Variants in PCDH15 observed in about 807,000 individuals in gnomAD.
The protein encoded by PCDH15 is protocadherin-15.
A neutral mutation model predicts 178.5 loss-of-function variants in PCDH15; 129 were observed. The observed-to-expected ratio is 0.72, with a 90% CI of 0.63 to 0.84. The LOEUF is 0.84. PCDH15 is among the 40% of genes least tolerant of loss of function. The pLI is 0.00. For missense variants in PCDH15, 2,230 were observed against 2,099.9 expected, an observed-to-expected ratio of 1.06 and a Z score of -1.21; for synonymous variants, 800 against 732.0, an observed-to-expected ratio of 1.09 and a Z score of -1.50.
At chr10:55,202,907 C>T (rs1376927720) in intron 1 of PCDH15, among the ~76,000 whole-genome samples, 1 of 152,172 alleles carries the variant, frequency 6.6e-6, no homozygotes, top group Non-Finnish European at 1.5e-5. Flanking sequence ...CTAAGGCCTC[C>T]CAGGCCATCT....
chr10:55,378,924 T>G lies in PCDH15; in HGVS notation c.-155-212273A>C, dbSNP rs187384552. Among the ~76,000 whole-genome samples the G allele has an allele frequency of 4.8e-5, 7 of 146,066 alleles. No individual in the cohort carries two copies. In the East Asian group the frequency reaches 1.4e-3, roughly 29 times the overall value. ...CTCTCTCTCTCACATATGCCCTTAA[T>G]GTACTTATAAATAGAATGAAAATAT... On this transcript the variant is annotated intron_variant, in intron 2 of 5. Coordinates refer to the PCDH15 transcript ENST00000613346.
intron 12 of PCDH15, among the ~76,000 whole-genome samples, chr10:54,184,366 G>T (rs1402364136): frequency 1.3e-5 from 2 of 149,204 alleles, no homozygotes; most frequent in Admixed American, 1.4e-4. Flanking sequence ...TTCAAAAATT[G>T]GGATATAATT....
chr10:55,001,821 G>T (rs763840269), intron 2 of PCDH15, among the ~76,000 whole-genome samples: 13 of 152,206 alleles, frequency 8.5e-5, no homozygotes, highest in Non-Finnish European at 1.9e-4. Context: ...GAGGTTTCTG[G>T]CTGGAAAAGC....
At chr10:55,061,643 G>T (rs1841435529) in intron 2 of PCDH15, among the ~76,000 whole-genome samples, 1 of 152,186 alleles carries the variant, frequency 6.6e-6, no homozygotes, top group South Asian at 2.1e-4. Context: ...AAATGTGGAA[G>T]CAACCAAGAT....
chr10:54,204,285 A>G (rs1171841275), intron 10 of PCDH15, among the ~76,000 whole-genome samples: 1 of 152,092 alleles, frequency 6.6e-6, no homozygotes, highest in Admixed American at 6.6e-5. Context: ...ACAGAAAAAT[A>G]GAAGGAATCA....
chr10:55,027,863 T>C (rs1840514392), intron 2 of PCDH15, among the ~76,000 whole-genome samples: 1 of 151,926 alleles, frequency 6.6e-6, no homozygotes, highest in Non-Finnish European at 1.5e-5. Flanking sequence ...TTCAATATAC[T>C]GATTCATTCA....
chr10:54,343,795 TAATAAAA>T (rs1025705536), intron 6 of PCDH15, among the ~76,000 whole-genome samples: 35 of 148,760 alleles, frequency 2.4e-4, no homozygotes, highest in Middle Eastern at 3.6e-3. Flanking sequence ...TAAAGTAAAA[TAATAAAA>T]AATAAAAAAT....
chr10:55,410,487 G>A (rs764815130), intron 2 of PCDH15, among the ~76,000 whole-genome samples: 4 of 152,044 alleles, frequency 2.6e-5, no homozygotes, highest in East Asian at 3.9e-4. Flanking sequence ...AATTCTATCC[G>A]TAATCAAAGC....
Position 55,187,199 on chromosome 10 carries a change from G to A in PCDH15, c.-155-20548C>T, listed in dbSNP as rs1396083133. Among the ~76,000 whole-genome samples the A allele has an allele frequency of 4.0e-5, 6 of 151,882 alleles. 1 individual carries two copies. The highest frequency in any genetic ancestry group is 1.9e-4 in the East Asian group (1 of 5,150). ...ATACTCACGTAATATTTCATTAAGAGCTTTAAAAATCCTTTTGATAATTTC... is the reference window on the plus strand; with the variant it reads ...ATACTCACGTAATATTTCATTAAGAACTTTAAAAATCCTTTTGATAATTTC... On this transcript the variant is annotated intron_variant, in intron 1 of 5. Transcript: ENST00000458638.
rs180798078 is a variant in PCDH15, at chr10:54,511,937, C to G, written c.157+15875G>C. Among the ~76,000 whole-genome samples the G allele has an allele frequency of 2.4e-4, 36 of 151,990 alleles. No homozygotes were observed. In the East Asian group the frequency reaches 4.1e-3, roughly 17 times the overall value. ...GAAGCCCAGTTGGACACTAACCAAACATTTAAGAAAACATACCATAACCCT... is the reference window on the plus strand; with the variant it reads ...GAAGCCCAGTTGGACACTAACCAAAGATTTAAGAAAACATACCATAACCCT... On this transcript the variant is annotated intron_variant, in intron 3 of 37. Transcript: ENST00000644397.
intron 14 of PCDH15, among the ~76,000 whole-genome samples, chr10:54,146,135 G>A (rs1232076317): frequency 6.6e-6 from 1 of 151,596 alleles, no homozygotes; most frequent in Non-Finnish European, 1.5e-5. Flanking sequence ...TAAATAAATA[G>A]CCTCATCATT....
At chr10:55,005,893 T>A (rs1839916666) in intron 2 of PCDH15, among the ~76,000 whole-genome samples, 1 of 152,062 alleles carries the variant, frequency 6.6e-6, no homozygotes, top group Admixed American at 6.6e-5. Flanking sequence ...ACTATTTTGC[T>A]CTATAAATAT....
intron 17 of PCDH15, among the ~76,000 whole-genome samples, chr10:54,070,250 C>G (rs1232057634): frequency 1.3e-5 from 2 of 152,242 alleles, no homozygotes; most frequent in Admixed American, 6.5e-5. Context: ...GTCATTCAGG[C>G]TGGAGTGCAG....
At chr10:54,346,248 A>T (rs1475579842) in intron 6 of PCDH15, 117 bp downstream of exon 6, 16 of 927,764 alleles carry the variant, frequency 1.7e-5, no homozygotes, top group Non-Finnish European at 2.6e-5. Flanking sequence ...TTTAAATAAT[A>T]GTATCATTAC....
intron 15 of PCDH15, among the ~76,000 whole-genome samples, chr10:54,127,840 C>T (rs899922355): frequency 3.3e-5 from 5 of 152,134 alleles, no homozygotes; most frequent in African/African-American, 4.8e-5. Flanking sequence ...CTGGCTTCAT[C>T]AATGATGTCT....
rs1245038423 is a variant in PCDH15, at chr10:55,092,057, T to C, written c.-80+74519A>G. Among the ~76,000 whole-genome samples the C allele has an allele frequency of 2.6e-5, 4 of 151,886 alleles. No individual in the cohort carries two copies. The East Asian group carries it at 7.7e-4, about 29-fold the overall frequency. ...CAGAAATCTATTCTAATATGGCTCA[T>C]AAGAGTATAAAGAAAATGTTCCATT... On this transcript the variant is annotated intron_variant, in intron 2 of 5. Coordinates refer to the PCDH15 transcript ENST00000458638.
intron 2 of PCDH15, among the ~76,000 whole-genome samples, chr10:55,459,621 C>A (rs1402408033): frequency 1.3e-5 from 2 of 151,874 alleles, no homozygotes; most frequent in East Asian, 3.9e-4. Context: ...AAAATGGTGG[C>A]CATGAGCCTC....
intron 2 of PCDH15, among the ~76,000 whole-genome samples, chr10:55,615,557 T>C (rs1843455968): frequency 6.6e-6 from 1 of 152,154 alleles, no homozygotes; most frequent in African/African-American, 2.4e-5. Flanking sequence ...CCAATAGCTT[T>C]CTACCACTAG....
chr10:54,101,651 C>G (rs1310075990), intron 15 of PCDH15, among the ~76,000 whole-genome samples: 3 of 152,120 alleles, frequency 2.0e-5, no homozygotes, highest in African/African-American at 7.2e-5. Flanking sequence ...ACAATCACAA[C>G]TGCTAAAAAA....
Sources: gnomAD v4.1 joint callset for allele counts (sites outside exome capture counted in the v4.1 genomes callset) on GRCh38, gnomAD v4.1.1 for gene constraint, MANE v1.5 for transcripts, NCBI Gene and HGNC (gene_info 2026-07-23, HGNC 2026-07-21) for gene names.